The following ANXA7 variants were observed in gnomAD, a reference collection of about 807,000 sequenced individuals.
ANXA7 encodes the protein annexin VII.
In ANXA7, 55 loss-of-function variants were observed where a neutral mutation model predicts 64.9. The observed-to-expected ratio is 0.85, with a 90% confidence interval of 0.68 to 1.06. The LOEUF is 1.06. Among genes scored for constraint, ANXA7 ranks in the 50% least tolerant of loss-of-function variants. The pLI, the probability that ANXA7 is intolerant of heterozygous loss-of-function variation, is 0.00. For missense variants in ANXA7, 548 were observed against 582.1 expected, an observed-to-expected ratio of 0.94 and a Z score of 0.60; for synonymous variants, 200 against 192.4, an observed-to-expected ratio of 1.04 and a Z score of -0.33.
intron 3 of ANXA7, 60 bp downstream of exon 3, chr10:73,398,121 G>C: frequency 6.6e-7 from 1 of 1,522,512 alleles, no homozygotes; most frequent in East Asian, 2.3e-5. Flanking sequence ...AGGATAAAGG[G>C]AGAAGGAAAA....
chr10:73,400,106 G>A (rs2055637526), intron 2 of ANXA7, among the ~76,000 whole-genome samples: 1 of 152,046 alleles, frequency 6.6e-6, no homozygotes, highest in African/African-American at 2.4e-5. Flanking sequence ...TCACACCACT[G>A]CACTCCAGCC....
chr10:73,383,480 C>T lies in ANXA7; in HGVS notation c.747+97G>A, dbSNP rs555004571. 23 of 1,260,088 alleles carry T rather than the reference C, an allele frequency of 1.8e-5. No individual in the cohort carries two copies. The Admixed American group carries it at 2.8e-4, about 15-fold the overall frequency. The allele number at this position is 1,260,088 out of a possible 1,614,324, so 78.1% of individuals were successfully genotyped here. A position where few individuals can be genotyped will look rare whatever the true frequency, so the allele number is the denominator to read the frequency against. The stretch of plus-strand genomic sequence containing the variant: ...ATGGATGATGTGAAATAAAGAATTG[C>T]TTTAATTACCACTGTAAATTCAGAA... On this transcript the variant is annotated intron_variant, in intron 8 of 12. Transcript: ENST00000372921.
intron 1 of ANXA7, among the ~76,000 whole-genome samples, chr10:73,404,386 C>T (rs2055720099): frequency 6.6e-6 from 1 of 152,140 alleles, no homozygotes; most frequent in Non-Finnish European, 1.5e-5. Context: ...CAATAACCTG[C>T]ACATCAAGTG....
intron 1 of ANXA7, among the ~76,000 whole-genome samples, chr10:73,401,258 T>TACACACAC (rs1554818156): frequency 7.2e-6 from 1 of 138,520 alleles, no homozygotes; most frequent in South Asian, 2.3e-4. Flanking sequence ...TACACACACA[T>TACACACAC]ACACAACACA....
At position 73,383,236 on chromosome 10, in the gene ANXA7, T is replaced by A. The variant is rs1412902900; in HGVS notation, c.857A>T (p.Glu286Val). 1 of 1,614,044 alleles carries A rather than the reference T, an allele frequency of 6.2e-7. No individual in the cohort carries two copies. Among genetic ancestry groups the A allele is most frequent in the African/African-American group, 1.3e-5 (1 of 74,938 alleles). ...CYQSEFGRDL[E>V]KDIRSDTSGH... ...TGATGTATCTGACCTAATGTCCTTT[T>A]CAAGGTCTCGTCCAAATTCTGACTG... The change falls in exon 9 of 13, where the codon GAA becomes GTA. Residue 286 changes from glutamate to valine, a missense_variant. Physicochemically the swap from Glu to Val is moderately radical, Grantham distance 121 (BLOSUM62 -2). Transcript: ENST00000372921.
intron 12 of ANXA7, among the ~76,000 whole-genome samples, chr10:73,376,799 T>TAC (rs2055177941): frequency 6.6e-6 from 1 of 151,724 alleles, no homozygotes; most frequent in Non-Finnish European, 1.5e-5. Context: ...AAAGGTGGGA[T>TAC]ACACGTACAA....
intron 1 of ANXA7, among the ~76,000 whole-genome samples, chr10:73,404,660 T>C (rs1269392097): frequency 6.6e-6 from 1 of 151,984 alleles, no homozygotes; most frequent in Non-Finnish European, 1.5e-5. Context: ...GTTGAAAAGA[T>C]GGCTCATGTA....
At chr10:73,401,064 C>G (rs1050433233) in intron 1 of ANXA7, among the ~76,000 whole-genome samples, 1 of 152,064 alleles carries the variant, frequency 6.6e-6, no homozygotes, top group Admixed American at 6.6e-5. Context: ...CGCCACCATG[C>G]CCAGCTAATT....
intron 11 of ANXA7, 55 bp downstream of exon 11, chr10:73,379,824 T>A: frequency 6.6e-7 from 1 of 1,506,696 alleles, no homozygotes; most frequent in East Asian, 2.3e-5. Flanking sequence ...GAACAACTAT[T>A]CAAAGCTCCC....
intron 5 of ANXA7, among the ~76,000 whole-genome samples, chr10:73,394,044 G>A (rs991553577): frequency 6.6e-6 from 1 of 152,004 alleles, no homozygotes; most frequent in African/African-American, 2.4e-5. Context: ...TCAAAAAGTG[G>A]GCAAAGGATA....
chr10:73,409,754 G>T (rs765579670), intron 1 of ANXA7, among the ~76,000 whole-genome samples: 3 of 152,142 alleles, frequency 2.0e-5, no homozygotes, highest in Non-Finnish European at 4.4e-5. Context: ...CACATTACCA[G>T]ACTTCAAATA....
chr10:73,402,547 T>G (rs2132692767), intron 1 of ANXA7, among the ~76,000 whole-genome samples: 1 of 152,324 alleles, frequency 6.6e-6, no homozygotes, highest in Middle Eastern at 3.4e-3. Context: ...GCTACCAATT[T>G]GACACACGTT....
intron 5 of ANXA7, among the ~76,000 whole-genome samples, chr10:73,388,898 T>C (rs950747197): frequency 2.6e-5 from 4 of 152,196 alleles, no homozygotes; most frequent in African/African-American, 9.7e-5. Flanking sequence ...TTATTATACA[T>C]GAAATAAATC....
At chr10:73,386,111 G>A (rs1469007728) in intron 7 of ANXA7, among the ~76,000 whole-genome samples, 2 of 151,760 alleles carry the variant, frequency 1.3e-5, no homozygotes, top group Non-Finnish European at 2.9e-5. Context: ...CTACTCGAGA[G>A]GCTGAGGCAC....
At chr10:73,410,096 G>C (rs535692914) in intron 1 of ANXA7, among the ~76,000 whole-genome samples, 14 of 152,030 alleles carry the variant, frequency 9.2e-5, no homozygotes, top group Admixed American at 4.6e-4. Context: ...ACTGGCCTAG[G>C]CAAAAAATTC....
chr10:73,383,971 A>G (rs1384030800), intron 7 of ANXA7, among the ~76,000 whole-genome samples: 1 of 151,918 alleles, frequency 6.6e-6, no homozygotes, highest in Non-Finnish European at 1.5e-5. Flanking sequence ...AACACAAAAA[A>G]TTAACCGGGA....
At chr10:73,388,474 C>G (rs1385844813) in intron 5 of ANXA7, 60 bp from the exon 6 acceptor site, 1 of 1,283,562 alleles carries the variant, frequency 7.8e-7, no homozygotes, top group Non-Finnish European at 1.1e-6. Flanking sequence ...AATGAGGAAA[C>G]TTAAAGACTT....
chr10:73,395,900 C>T, intron 5 of ANXA7: 1 of 720,598 alleles, frequency 1.4e-6, no homozygotes, highest in South Asian at 1.5e-5. Flanking sequence ...TGTCTAAAGC[C>T]CTACCTATTA....
chr10:73,383,849 C>T (rs2055315122), intron 7 of ANXA7, among the ~76,000 whole-genome samples, 159 bp from the exon 8 acceptor site: 1 of 152,080 alleles, frequency 6.6e-6, no homozygotes, highest in Non-Finnish European at 1.5e-5. Flanking sequence ...AGGCCAGGCG[C>T]GGTGGCTCAT....
Sources: gnomAD v4.1 joint callset for allele counts (sites outside exome capture counted in the v4.1 genomes callset) on GRCh38, gnomAD v4.1.1 for gene constraint, MANE v1.5 for transcripts, NCBI Gene and HGNC (gene_info 2026-07-23, HGNC 2026-07-21) for gene names.